The following NIBAN2 variants were observed in gnomAD, a reference collection of about 807,000 sequenced individuals.
NIBAN2 encodes niban apoptosis regulator 2.
NIBAN2 carries 36 observed loss-of-function variants against 81.8 expected under a neutral mutation model. The ratio of observed to expected loss-of-function variants is 0.44; its 90% CI spans 0.34 to 0.58. The LOEUF (loss-of-function observed/expected upper bound fraction) is 0.58, where lower values mean the gene tolerates loss of function less well. NIBAN2 is among the 20% of genes least tolerant of loss of function. NIBAN2 has a pLI of 0.02. For synonymous variants in NIBAN2, 445 were observed against 441.6 expected, an observed-to-expected ratio of 1.01 and a Z score of -0.10; for missense variants, 897 against 1,014.1, an observed-to-expected ratio of 0.88 and a Z score of 1.57.
intron 1 of NIBAN2, among the ~76,000 whole-genome samples, chr9:127,537,224 A>T (rs1455885919): frequency 6.6e-6 from 1 of 152,138 alleles, no homozygotes; most frequent in Admixed American, 6.5e-5. Flanking sequence ...TAGCTCTCAG[A>T]GACTCACATT....
rs377059122 is a variant in NIBAN2, at chr9:127,559,806, C to G, written c.55+9014G>C. On this transcript the variant is annotated intron_variant, in intron 1 of 13. Transcript: ENST00000373312. This position sits in a 1 kb window ranked among gnomAD's most constrained non-coding sequence, Gnocchi z 4.0. The stretch of plus-strand genomic sequence containing the variant: ...GCACCCTGACCCACACCCGGCACTT[C>G]TGATCTGCAAGAGGAGGGCCTCCCT... Among the ~76,000 whole-genome samples, 1 of 152,326 alleles carries G rather than the reference C, an allele frequency of 6.6e-6. No individual in the cohort carries two copies. The highest frequency in any genetic ancestry group is 2.4e-5 in the African/African-American group (1 of 41,568).
At chr9:127,526,793 T>C (rs1026846953) in intron 3 of NIBAN2, among the ~76,000 whole-genome samples, 2 of 151,914 alleles carry the variant, frequency 1.3e-5, no homozygotes, top group Admixed American at 6.6e-5. Context: ...AATGGCCAGA[T>C]TGTGCCTCCA....
intron 8 of NIBAN2, among the ~76,000 whole-genome samples, chr9:127,512,695 G>A (rs1836759380): frequency 6.6e-6 from 1 of 152,132 alleles, no homozygotes; most frequent in Admixed American, 6.6e-5. Context: ...GCTGTGTCAC[G>A]AGTGCGTGTC....
At chr9:127,519,415 C>T (rs1836894235) in intron 5 of NIBAN2, among the ~76,000 whole-genome samples, 1 of 152,210 alleles carries the variant, frequency 6.6e-6, no homozygotes, top group African/African-American at 2.4e-5. Flanking sequence ...AGGCAGCAGG[C>T]AGACTCCCCT....
chr9:127,549,821 G>A (rs1218816614), intron 1 of NIBAN2, among the ~76,000 whole-genome samples: 1 of 152,174 alleles, frequency 6.6e-6, no homozygotes, highest in Non-Finnish European at 1.5e-5. Context: ...CGAGCAGCAG[G>A]TGCAGGGCTT....
chr9:127,517,784 G>T lies in NIBAN2; in HGVS notation c.705+42C>A. The T allele has an allele frequency of 4.7e-6, 7 of 1,474,234 alleles. No individual in the cohort carries two copies. Among genetic ancestry groups the T allele is most frequent in the East Asian group, 2.3e-5 (1 of 43,582 alleles). The allele number at this position is 1,474,234 out of a possible 1,614,324, so 91.3% of individuals were successfully genotyped here. ...CCCTGCCCTCCCCTGCTGGGTCCTT[G>T]GGTGACTTCTGAGGTTTCCTCACCA... On this transcript the variant is annotated intron_variant, in intron 6 of 13. Transcript: ENST00000373312. The surrounding 1 kb of genome is among the most constrained non-coding windows in gnomAD (Gnocchi z 4.0).
chr9:127,557,487 C>T (rs1006608653), intron 1 of NIBAN2, among the ~76,000 whole-genome samples: 3 of 140,258 alleles, frequency 2.1e-5, no homozygotes, highest in East Asian at 5.1e-4. Flanking sequence ...GGAGGGAGGG[C>T]GGGGGCTCAG....
chr9:127,533,047 AC>A (rs913826621), intron 1 of NIBAN2, among the ~76,000 whole-genome samples: 12 of 151,982 alleles, frequency 7.9e-5, no homozygotes, highest in African/African-American at 2.9e-4. Flanking sequence ...AATCCCGGCT[AC>A]TCAGGAGGCT....
rs116330515 is a variant in NIBAN2, at chr9:127,523,478, C to G, written c.589+201G>C. Among the ~76,000 whole-genome samples the G allele has an allele frequency of 2.3e-3, 348 of 151,634 alleles. 3 individuals are homozygous for G. Among genetic ancestry groups the G allele is most frequent in the African/African-American group, 8.0e-3 (329 of 41,360 alleles). ...TCTGTGAATAATTTCCTACTTTTTT[C>G]CTGAGCAGCACAAAACTGTTTTCAT... On this transcript the variant is annotated intron_variant, in intron 5 of 13. Transcript: ENST00000373312.
In NIBAN2 at chr9:127,507,528, T is replaced by TG. The variant is rs1491093608; in HGVS notation, c.1655-98dup. The TG allele has an allele frequency of 2.7e-6, 3 of 1,098,242 alleles. No homozygotes were observed. Among genetic ancestry groups the TG allele is most frequent in the Non-Finnish European group, 3.8e-6 (3 of 784,162 alleles). 68.0% of individuals were successfully genotyped at this position (1,098,242 alleles called of 1,614,324 possible). A position where few individuals can be genotyped will look rare whatever the true frequency, so the allele number is the denominator to read the frequency against. Reference sequence around the variant, plus strand: ...AAAGAAGACCCGTCTCATCCCGCCTTGGGGGTCTGTGGTTGGGATGTGACT... The same window carrying TG: ...AAAGAAGACCCGTCTCATCCCGCCTTGGGGGGTCTGTGGTTGGGATGTGACT... On this transcript the variant is annotated intron_variant, in intron 13 of 13. Transcript: ENST00000373312. This position sits in a 1 kb window ranked among gnomAD's most constrained non-coding sequence, Gnocchi z 6.8.
At position 127,569,062 on chromosome 9, in the gene NIBAN2, G is replaced by A. The variant is rs1287364619; in HGVS notation, c.-188C>T. ...CTCCCGGTCGGGCCCCGTCCCTCCA[G>A]CCGGCCGCCTTGGCCCCCTCCCTGC... On this transcript the variant is annotated 5_prime_UTR_variant, in exon 1 of 14. Coordinates refer to ENST00000373312, the MANE Select transcript of NIBAN2 (RefSeq NM_022833.4). 2 of 1,068,562 alleles carry A rather than the reference G, an allele frequency of 1.9e-6. No homozygotes were observed. Among genetic ancestry groups the A allele is most frequent in the East Asian group, 6.4e-5 (1 of 15,530 alleles). The allele number at this position is 1,068,562 out of a possible 1,614,324, so 66.2% of individuals were successfully genotyped here.
intron 5 of NIBAN2, among the ~76,000 whole-genome samples, chr9:127,520,749 T>C (rs1489288419): frequency 6.6e-6 from 1 of 151,898 alleles, no homozygotes; most frequent in Non-Finnish European, 1.5e-5. Flanking sequence ...CCAGGTGTGG[T>C]GGCACACGCC....
intron 5 of NIBAN2, among the ~76,000 whole-genome samples, chr9:127,520,488 T>C (rs1229212503): frequency 6.6e-6 from 1 of 152,136 alleles, no homozygotes; most frequent in Non-Finnish European, 1.5e-5. Context: ...TCCACCCACC[T>C]CAGCCTCCCA....
At chr9:127,549,493 AC>A (rs1790886956) in intron 1 of NIBAN2, among the ~76,000 whole-genome samples, 1 of 151,934 alleles carries the variant, frequency 6.6e-6, no homozygotes, top group African/African-American at 2.4e-5. Flanking sequence ...ACACTCACAC[AC>A]CGTGCATCCA....
intron 4 of NIBAN2, among the ~76,000 whole-genome samples, chr9:127,524,057 C>T (rs1226435112): frequency 2.0e-5 from 3 of 152,194 alleles, no homozygotes; most frequent in Non-Finnish European, 4.4e-5. Context: ...GTCCAGCATC[C>T]GTGCAGACCC....
chr9:127,562,959 C>T (rs566650462), intron 1 of NIBAN2, among the ~76,000 whole-genome samples: 5 of 152,088 alleles, frequency 3.3e-5, no homozygotes, highest in South Asian at 2.1e-4. Context: ...GTCATGGTCC[C>T]GGTAAAGTGT....
chr9:127,557,712 T>C (rs1837698847), intron 1 of NIBAN2, among the ~76,000 whole-genome samples: 1 of 152,182 alleles, frequency 6.6e-6, no homozygotes, highest in African/African-American at 2.4e-5. Context: ...GGCTCTCAGG[T>C]CACTGAGAAA....
At chr9:127,528,671 CA>C (rs1837122631) in intron 2 of NIBAN2, among the ~76,000 whole-genome samples, 1 of 152,206 alleles carries the variant, frequency 6.6e-6, no homozygotes, top group African/African-American at 2.4e-5. Flanking sequence ...AAAATATTTA[CA>C]GGAAAAGAAA....
At chr9:127,526,070 T>C (rs1837056402) in intron 3 of NIBAN2, among the ~76,000 whole-genome samples, 1 of 152,186 alleles carries the variant, frequency 6.6e-6, no homozygotes, top group South Asian at 2.1e-4. Context: ...AAACATGGTC[T>C]CTGATCTTCA....
Sources: gnomAD v4.1 joint callset for allele counts (sites outside exome capture counted in the v4.1 genomes callset) on GRCh38, gnomAD v4.1.1 for gene constraint, Gnocchi (gnomAD v3.1) non-coding constraint, MANE v1.5 for transcripts, NCBI Gene and HGNC (gene_info 2026-07-23, HGNC 2026-07-21) for gene names.